ZNF45: variants seen among roughly 807,000 people sequenced by gnomAD.
ZNF45 encodes zinc finger protein 45, also known as BRC1744.
A neutral mutation model predicts 12.0 loss-of-function variants in ZNF45; 4 were observed. The ratio of observed to expected loss-of-function variants is 0.33; its 90% CI spans 0.16 to 0.76. The LOEUF (loss-of-function observed/expected upper bound fraction) is 0.76. ZNF45 is among the 30% of genes least tolerant of loss of function. ZNF45 has a pLI of 0.60. For synonymous variants in ZNF45, 272 were observed against 279.6 expected (o/e 0.97, Z 0.27); for missense variants, 700 against 813.0 (o/e 0.86, Z 1.69).
intron 3 of ZNF45, among the ~76,000 whole-genome samples, chr19:43,925,946 T>C (rs1160015675): frequency 6.6e-6 from 1 of 152,262 alleles, no homozygotes; most frequent in Non-Finnish European, 1.5e-5. Flanking sequence ...AATACTCTTT[T>C]AGAATTTGTA....
chr19:43,927,114 G>A (rs1245520323), intron 3 of ZNF45, among the ~76,000 whole-genome samples: 1 of 152,180 alleles, frequency 6.6e-6, no homozygotes, highest in Non-Finnish European at 1.5e-5. Flanking sequence ...TAGCCATCCT[G>A]TAGATAATTT....
intron 3 of ZNF45, among the ~76,000 whole-genome samples, chr19:43,932,229 G>A (rs1974191970): frequency 6.6e-6 from 1 of 152,154 alleles, no homozygotes; most frequent in Non-Finnish European, 1.5e-5. Flanking sequence ...CCAGCTACTG[G>A]GGAGGCTGAG....
intron 7 of ZNF45, 139 bp from the exon 8 acceptor site, chr19:43,919,838 AAC>A (rs1345821473): frequency 6.2e-5 from 53 of 859,944 alleles, no homozygotes; most frequent in Non-Finnish European, 9.3e-5. Context: ...ATTACAGTTA[AAC>A]ACATATAAAG....
chr19:43,927,364 T>C (rs1177509441), intron 3 of ZNF45, among the ~76,000 whole-genome samples: 1 of 152,194 alleles, frequency 6.6e-6, no homozygotes, highest in Non-Finnish European at 1.5e-5. Flanking sequence ...GAATAGTTGA[T>C]AGATACACCA....
chr19:43,931,972 T>C (rs1473107878), intron 3 of ZNF45, among the ~76,000 whole-genome samples: 4 of 152,176 alleles, frequency 2.6e-5, no homozygotes. Flanking sequence ...TGGAAAGCAC[T>C]AGAAATTCTC....
At chr19:43,927,197 C>G (rs1973754026) in intron 3 of ZNF45, among the ~76,000 whole-genome samples, 1 of 152,166 alleles carries the variant, frequency 6.6e-6, no homozygotes, top group Non-Finnish European at 1.5e-5. Flanking sequence ...GCCCTTATTC[C>G]TCTCTAACAT....
rs1392726708 is a variant in ZNF45, at chr19:43,925,386, T to C, written c.-327A>G. 6.6e-6 allele frequency: 1 copy of C among 152,192 alleles called. No homozygotes were observed. The highest frequency in any genetic ancestry group is 2.1e-4 in the South Asian group (1 of 4,832). 9.4% of individuals were successfully genotyped at this position (152,192 alleles called of 1,614,324 possible). On this transcript the variant is annotated 5_prime_UTR_variant, in exon 4 of 10. Transcript: ENST00000269973. ...ACATGGGCTGGATTCCAGATTCCAC[T>C]TGACCCTTCAGCAGAGAGCCTCTGC...
intron 3 of ZNF45, among the ~76,000 whole-genome samples, chr19:43,930,716 C>T (rs1039366461): frequency 3.9e-5 from 6 of 152,120 alleles, no homozygotes; most frequent in African/African-American, 1.4e-4. Context: ...GGAGGCTTCC[C>T]TTAGATCAGT....
At chr19:43,922,063 T>G in intron 7 of ZNF45, 108 bp downstream of exon 7, 1 of 1,170,534 alleles carries the variant, frequency 8.5e-7, no homozygotes, top group Non-Finnish European at 1.2e-6. Flanking sequence ...CAAGAGGTTC[T>G]CAAATGTCTA....
At chr19:43,922,565 T>G (rs898493646) in intron 6 of ZNF45, among the ~76,000 whole-genome samples, 3 of 152,116 alleles carry the variant, frequency 2.0e-5, no homozygotes, top group Non-Finnish European at 4.4e-5. Context: ...TGGAGCCAAA[T>G]GCCTAGATTT....
chr19:43,927,556 A>G (rs1973789041), intron 3 of ZNF45, among the ~76,000 whole-genome samples: 1 of 152,218 alleles, frequency 6.6e-6, no homozygotes, highest in South Asian at 2.1e-4. Flanking sequence ...CCCAATATAT[A>G]GCGAGAGACA....
rs745699932 is a variant in ZNF45, at chr19:43,914,405, C to G, written c.1031G>C (p.Ser344Thr). 3.1e-6 allele frequency: 5 copies of G among 1,609,282 alleles called. No individual in the cohort carries two copies. The highest frequency in any genetic ancestry group is 4.2e-6 in the Non-Finnish European group (5 of 1,176,930). Residue 344 changes from serine (S) to threonine (T), a missense_variant, in exon 10 of 10, where the codon AGC becomes ACC. Coordinates refer to ENST00000269973, the MANE Select transcript of ZNF45 (RefSeq NM_003425.4). ...TCTACAATGAATATTAAGGTGTGAG[C>G]TGTAACTAAAGCTCTTGCCACATGC... ...CNACGKSFSY[S>T]SHLNIHCRIH...
At chr19:43,921,507 C>T (rs191216594) in intron 7 of ZNF45, among the ~76,000 whole-genome samples, 1 of 152,286 alleles carries the variant, frequency 6.6e-6, no homozygotes, top group Admixed American at 6.5e-5. Flanking sequence ...AAATCAGTGG[C>T]ATCATGTCAC....
chr19:43,915,333 G>T, intron 9 of ZNF45, 133 bp from the exon 10 acceptor site: 1 of 893,314 alleles, frequency 1.1e-6, no homozygotes, highest in Non-Finnish European at 1.5e-6. Context: ...CTACTGCATA[G>T]ACATCTGAAC....
Position 43,928,013 on chromosome 19 carries a change from T to TA in ZNF45, c.-399-2556dup, listed in dbSNP as rs924353997. Among the ~76,000 whole-genome samples, 575 of 145,054 alleles carry TA rather than the reference T, an allele frequency of 4.0e-3. 4 individuals carry two copies. Among genetic ancestry groups the TA allele is most frequent in the African/African-American group, 0.013 (510 of 39,748 alleles). ...AACATGGAGAAACCCTGTCTCTACT[T>TA]AAAAAAAAAAATACAAAATTAGCCA... On this transcript the variant is annotated intron_variant, in intron 3 of 9. Transcript: ENST00000269973.
intron 9 of ZNF45, among the ~76,000 whole-genome samples, chr19:43,917,789 A>C (rs1195443000): frequency 6.6e-6 from 1 of 152,150 alleles, no homozygotes; most frequent in Non-Finnish European, 1.5e-5. Flanking sequence ...ACTGGCTGCA[A>C]GTTTTCACTT....
chr19:43,931,539 A>C (rs548482448), intron 3 of ZNF45, among the ~76,000 whole-genome samples: 2 of 139,236 alleles, frequency 1.4e-5, no homozygotes, highest in South Asian at 2.2e-4. Context: ...GTCTCAAAAA[A>C]AAAAAATGTA....
chr19:43,925,565 AAG>A (rs1212924347), intron 3 of ZNF45, 107 bp from the exon 4 acceptor site: 3 of 149,780 alleles, frequency 2.0e-5, no homozygotes, highest in Non-Finnish European at 4.4e-5. Flanking sequence ...CTTCAGATAG[AAG>A]AACCCTTACT....
rs757150484 is a variant in ZNF45, at chr19:43,914,894, A to C, written c.542T>G (p.Ile181Ser). ...CTCTCCTGCATGAGCCCTTTGGTTA[A>C]TTTGAAGATGAGAGCTCCAGCTGAA... ...KSFSWSSHLQ[I>S]NQRAHAGEKP... is the part of the protein sequence containing the mutation. Residue 181 changes from isoleucine to serine, a missense_variant, in exon 10 of 10, where the codon ATT (isoleucine) becomes AGT (serine). Ile to Ser is a moderately radical substitution (Grantham distance 142). Transcript: ENST00000269973. 96 of 1,612,694 alleles carry C rather than the reference A, an allele frequency of 6.0e-5. 1 individual carries two copies. The South Asian group carries it at 1.0e-3, about 17-fold the overall frequency.
Sources: gnomAD v4.1 joint callset for allele counts (sites outside exome capture counted in the v4.1 genomes callset) on GRCh38, gnomAD v4.1.1 for gene constraint, MANE v1.5 for transcripts, NCBI Gene and HGNC (gene_info 2026-07-23, HGNC 2026-07-21) for gene names.